Variants in FANCC observed in about 807,000 individuals in gnomAD.
FANCC encodes the protein Fanconi anemia group C protein.
Under a neutral mutation model 71.3 loss-of-function variants are expected in FANCC, and 55 were observed. That is an observed-to-expected ratio of 0.77 (90% CI 0.62 to 0.97). FANCC has a LOEUF of 0.97. FANCC is among the 50% of genes least tolerant of loss of function. The pLI is 0.00. For missense variants in FANCC, 678 were observed against 670.9 expected, an observed-to-expected ratio of 1.01 and a Z score of -0.12; for synonymous variants, 275 against 244.9, an observed-to-expected ratio of 1.12 and a Z score of -1.15.
At chr9:95,311,856 C>A (rs1835427239) in intron 1 of FANCC, among the ~76,000 whole-genome samples, 1 of 151,990 alleles carries the variant, frequency 6.6e-6, no homozygotes, top group Non-Finnish European at 1.5e-5. Context: ...ATAAATGTTT[C>A]TGAATTACAA....
chr9:95,292,548 T>G, intron 1 of FANCC: 1 of 1,479,204 alleles, frequency 6.8e-7, no homozygotes, highest in Non-Finnish European at 9.1e-7. Flanking sequence ...GATCCAGCAG[T>G]AGGTGAGCGA....
intron 3 of FANCC, among the ~76,000 whole-genome samples, chr9:95,244,252 A>G (rs1441206017): frequency 6.6e-6 from 1 of 152,206 alleles, no homozygotes; most frequent in South Asian, 2.1e-4. Context: ...CCTCTCAGCA[A>G]CTGCTACTCC....
intron 6 of FANCC, among the ~76,000 whole-genome samples, chr9:95,164,274 C>T (rs574224953): frequency 6.6e-6 from 1 of 152,136 alleles, no homozygotes; most frequent in East Asian, 1.9e-4. Flanking sequence ...CATCTGTTGA[C>T]CTTTATTTCT....
At chr9:95,131,062 C>T (rs987105294) in intron 8 of FANCC, among the ~76,000 whole-genome samples, 15 of 152,140 alleles carry the variant, frequency 9.9e-5, no homozygotes, top group African/African-American at 3.4e-4. Flanking sequence ...ATTATTCTTT[C>T]TTTTTAATCT....
chr9:95,164,363 T>G (rs1185508303), intron 6 of FANCC, among the ~76,000 whole-genome samples: 2 of 152,218 alleles, frequency 1.3e-5, no homozygotes. Flanking sequence ...AAGATATTCT[T>G]GCCTTGTTCC....
At chr9:95,196,508 C>T (rs897971415) in intron 4 of FANCC, among the ~76,000 whole-genome samples, 1 of 152,052 alleles carries the variant, frequency 6.6e-6, no homozygotes, top group Non-Finnish European at 1.5e-5. Flanking sequence ...GTTATCCTGG[C>T]TCTTTGTATA....
intron 4 of FANCC, among the ~76,000 whole-genome samples, chr9:95,194,975 A>G (rs1827338788): frequency 6.6e-6 from 1 of 152,022 alleles, no homozygotes; most frequent in Non-Finnish European, 1.5e-5. Flanking sequence ...TGAGGCAGAC[A>G]GATCACGAGG....
rs1588070592 is a variant in FANCC at position 95,117,322 on chromosome 9, G to T, written c.1065C>A (p.Asp355Glu). The change falls in exon 11 of 15, where the codon GAC becomes GAA. Residue 355 changes from aspartate (D) to glutamate (E), a missense_variant. Coordinates refer to ENST00000289081, the MANE Select transcript of FANCC (RefSeq NM_000136.3). ...AAGTCAACCCTAACTCACCTTGAGG[G>T]TCTTGCAGCAGCACCATGGCAAGAG... ...SPSLAMVLLQ[D>E]PQDIPRGHWL... 1.9e-6 allele frequency: 3 copies of T among 1,613,900 alleles called. No individual in the cohort carries two copies. Among genetic ancestry groups the T allele is most frequent in the East Asian group, 4.5e-5 (2 of 44,888 alleles).
chr9:95,110,230 GTGT>G, intron 13 of FANCC: 9 of 999,432 alleles, frequency 9.0e-6, no homozygotes, highest in Non-Finnish European at 9.6e-6. Context: ...TAGAAATTAA[GTGT>G]TATTGAATAA....
intron 13 of FANCC, 109 bp from the exon 14 acceptor site, chr9:95,107,378 G>A: frequency 1.7e-6 from 2 of 1,196,654 alleles, no homozygotes; most frequent in South Asian, 1.3e-5. Flanking sequence ...GTAAGCACTG[G>A]CCCCTGAGAG....
chr9:95,314,745 T>C (rs1835639182), intron 1 of FANCC, among the ~76,000 whole-genome samples: 1 of 151,710 alleles, frequency 6.6e-6, no homozygotes, highest in African/African-American at 2.4e-5. Context: ...CCATCAAAAA[T>C]AAAACTTCAA....
At chr9:95,137,471 C>G (rs568308864) in intron 7 of FANCC, among the ~76,000 whole-genome samples, 11 of 152,226 alleles carry the variant, frequency 7.2e-5, no homozygotes, top group Middle Eastern at 6.8e-3. Flanking sequence ...CCGGCAGGCC[C>G]CGTTCCTCAT....
intron 1 of FANCC, among the ~76,000 whole-genome samples, chr9:95,252,261 A>C (rs548793479): frequency 3.2e-5 from 4 of 124,732 alleles, no homozygotes; most frequent in African/African-American, 1.2e-4. Flanking sequence ...TGGGAGACAA[A>C]GTGAGACTGA....
chr9:95,206,480 G>A (rs1163366908), intron 4 of FANCC, among the ~76,000 whole-genome samples: 1 of 152,140 alleles, frequency 6.6e-6, no homozygotes, highest in Non-Finnish European at 1.5e-5. Flanking sequence ...GGAAACCACT[G>A]AACATAAATA....
intron 2 of FANCC, among the ~76,000 whole-genome samples, chr9:95,247,947 A>G (rs1279006496): frequency 3.3e-5 from 5 of 152,318 alleles, no homozygotes; most frequent in African/African-American, 1.2e-4. Flanking sequence ...CTCCAGTAAG[A>G]CTATTTCAAA....
chr9:95,152,412 A>G (rs1342282644), intron 6 of FANCC, among the ~76,000 whole-genome samples: 2 of 152,222 alleles, frequency 1.3e-5, no homozygotes, highest in African/African-American at 4.8e-5. Flanking sequence ...AAGCACGTAT[A>G]TATCTGGGAA....
intron 1 of FANCC, among the ~76,000 whole-genome samples, chr9:95,310,141 C>T (rs1394241152): frequency 3.9e-5 from 6 of 152,116 alleles, no homozygotes; most frequent in Non-Finnish European, 7.4e-5. Context: ...GGCAGGAGGA[C>T]AGCTTGAGGC....
chr9:95,289,931 T>G (rs1338555100), intron 1 of FANCC, among the ~76,000 whole-genome samples: 2 of 152,192 alleles, frequency 1.3e-5, no homozygotes, highest in Non-Finnish European at 2.9e-5. Context: ...AGTGCTGGGA[T>G]TACAGACATG....
intron 4 of FANCC, among the ~76,000 whole-genome samples, chr9:95,214,227 G>C (rs778579920): frequency 6.6e-6 from 1 of 152,116 alleles, no homozygotes; most frequent in Non-Finnish European, 1.5e-5. Flanking sequence ...CATGAGTTGA[G>C]AACAGCCTGG....
Sources: gnomAD v4.1 joint callset for allele counts (sites outside exome capture counted in the v4.1 genomes callset) on GRCh38, gnomAD v4.1.1 for gene constraint, MANE v1.5 for transcripts, NCBI Gene and HGNC (gene_info 2026-07-23, HGNC 2026-07-21) for gene names.